Variants in PRIM1 observed in about 807,000 individuals in gnomAD.
PRIM1 encodes DNA primase subunit 1, also known as DNA primase small subunit.
Under a neutral mutation model 60.2 loss-of-function variants are expected in PRIM1, and 38 were observed. The observed-to-expected ratio is 0.63, with a 90% CI of 0.49 to 0.83. The LOEUF (loss-of-function observed/expected upper bound fraction) is 0.83. Among genes scored for constraint, PRIM1 ranks in the 40% least tolerant of loss-of-function variants. The probability of loss-of-function intolerance (pLI) is 0.00; values close to 1 mark genes in which losing one functional copy is unlikely to be tolerated. For synonymous variants in PRIM1, 158 were observed against 160.2 expected (o/e 0.99, Z 0.10); for missense variants, 388 against 506.2 (o/e 0.77, Z 2.24).
intron 2 of PRIM1, among the ~76,000 whole-genome samples, chr12:56,748,881 C>T (rs1289131480): frequency 2.6e-5 from 4 of 151,936 alleles, no homozygotes; most frequent in Admixed American, 2.0e-4. Context: ...CACTTGAAAC[C>T]GGGAGGCAGA....
In PRIM1 at chr12:56,734,109, G is replaced by T. The variant is rs761548970; in HGVS notation, c.1243+38C>A. The T allele has an allele frequency of 2.8e-6, 4 of 1,412,286 alleles. No individual in the cohort carries two copies. In the East Asian group the frequency reaches 9.2e-5, roughly 32 times the overall value. The allele number at this position is 1,412,286 out of a possible 1,614,324, so 87.5% of individuals were successfully genotyped here. Reference sequence around the variant, plus strand: ...AATTGCTCATTTCTACTAATAATAAGATCTAACTAGATAGAAGGGAAAGGC... The same window carrying T: ...AATTGCTCATTTCTACTAATAATAATATCTAACTAGATAGAAGGGAAAGGC... On this transcript the variant is annotated intron_variant, in intron 12 of 12. Coordinates refer to ENST00000338193, the MANE Select transcript of PRIM1 (RefSeq NM_000946.3).
At chr12:56,737,704 T>G (rs1429278680) in intron 11 of PRIM1, among the ~76,000 whole-genome samples, 2 of 151,414 alleles carry the variant, frequency 1.3e-5, no homozygotes, top group African/African-American at 2.4e-5. Flanking sequence ...ATTTAGAAAT[T>G]CCTTAGCTTC....
intron 4 of PRIM1, 64 bp downstream of exon 4, chr12:56,746,717 T>C: frequency 7.3e-7 from 1 of 1,369,190 alleles, no homozygotes; most frequent in Non-Finnish European, 1.0e-6. Context: ...GACTAATAGT[T>C]AATAGTAGTC....
intron 6 of PRIM1, chr12:56,743,463 T>A (rs565829288): frequency 6.1e-6 from 1 of 162,960 alleles, no homozygotes; most frequent in African/African-American, 2.4e-5. Context: ...ATTGCTTGTA[T>A]TAATATCTCA....
chr12:56,742,308 G>A (rs569347404), intron 7 of PRIM1, among the ~76,000 whole-genome samples: 1 of 152,008 alleles, frequency 6.6e-6, no homozygotes, highest in South Asian at 2.1e-4. Flanking sequence ...ATCCGGCCGG[G>A]CACAGTGGCT....
chr12:56,733,283 T>G lies in PRIM1; in HGVS notation c.1243+864A>C, dbSNP rs551976463. ...AGTGATTCTCCTGCCTCAGCCTCCC[T>G]AGTAGCTGGGATTACAGGCTCCCAC... On this transcript the variant is annotated intron_variant, in intron 12 of 12. Transcript: ENST00000338193. Among the ~76,000 whole-genome samples the G allele has an allele frequency of 2.6e-3, 388 of 150,146 alleles. 2 individuals carry two copies. The highest frequency in any genetic ancestry group is 9.2e-3 in the African/African-American group (377 of 40,858).
At chr12:56,744,447 C>T (rs867052512) in intron 5 of PRIM1, among the ~76,000 whole-genome samples, 14 of 151,440 alleles carry the variant, frequency 9.2e-5, no homozygotes, top group Admixed American at 2.6e-4. Flanking sequence ...GAGCCGAGAT[C>T]GCATCATTGC....
chr12:56,733,161 T>G (rs1953796369), intron 12 of PRIM1, among the ~76,000 whole-genome samples: 1 of 124,688 alleles, frequency 8.0e-6, no homozygotes, highest in South Asian at 2.4e-4. Context: ...GGCCTAGGGT[T>G]TTTTTTTTTT....
intron 11 of PRIM1, among the ~76,000 whole-genome samples, chr12:56,735,672 A>G (rs7311570): frequency 2.7e-5 from 4 of 147,070 alleles, no homozygotes; most frequent in African/African-American, 1.0e-4. Context: ...TTTTTTTGAG[A>G]TGGAGTCTTG....
chr12:56,735,025 C>G (rs1170646269), intron 11 of PRIM1, among the ~76,000 whole-genome samples: 1 of 151,544 alleles, frequency 6.6e-6, no homozygotes, highest in Non-Finnish European at 1.5e-5. Flanking sequence ...GTTGGCCAGG[C>G]TGGTCTCAAA....
intron 2 of PRIM1, among the ~76,000 whole-genome samples, chr12:56,749,008 A>G (rs185711141): frequency 6.6e-6 from 1 of 151,618 alleles, no homozygotes; most frequent in Non-Finnish European, 1.5e-5. Flanking sequence ...ATGAGGGGGA[A>G]GGGTAGCAGA....
chr12:56,748,462 C>T (rs1953923529), intron 2 of PRIM1, among the ~76,000 whole-genome samples: 1 of 151,708 alleles, frequency 6.6e-6, no homozygotes, highest in African/African-American at 2.4e-5. Flanking sequence ...CCCGTCTCTA[C>T]TAAAAATACA....
At chr12:56,738,058 A>G (rs1953846036) in intron 11 of PRIM1, among the ~76,000 whole-genome samples, 1 of 152,228 alleles carries the variant, frequency 6.6e-6, no homozygotes, top group Non-Finnish European at 1.5e-5. Context: ...ACAACTTGGT[A>G]AACAGTTTAG....
chr12:56,741,426 G>C lies in PRIM1; in HGVS notation c.982+9C>G, dbSNP rs765555611. 2.5e-6 allele frequency: 4 copies of C among 1,603,436 alleles called. No individual in the cohort carries two copies. The South Asian group carries it at 4.5e-5, about 18-fold the overall frequency. ...TCTTTTAGTTTTCCTTAGTTTCCTT[G>C]TGTAGTACCTGTTTTAGGATGAACA... On this transcript the variant is annotated intron_variant, in intron 9 of 12. Transcript: ENST00000338193.
Position 56,741,561 on chromosome 12 carries a change from C to T in PRIM1, c.856G>A (p.Asp286Asn). ...CACTCCAGCCAGGGTCCATATTTGT[C>T]ATTTTTGATGTTATTCTAAAAGCAG... Reference protein sequence around the residue: ...ASRYQNNIKNDKYGPWLEWEI... With the variant: ...ASRYQNNIKNNKYGPWLEWEI... Residue 286 changes from aspartate to asparagine, a missense_variant, in exon 9 of 13, where the codon GAC becomes AAC. This residue lies in a region of PRIM1 where 211 missense variants were observed against 277.9 expected (regional missense o/e 0.76). Transcript: ENST00000338193. 6.2e-7 allele frequency: 1 copy of T among 1,611,696 alleles called. No individual in the cohort carries two copies. Among genetic ancestry groups the T allele is most frequent in the African/African-American group, 1.3e-5 (1 of 74,880 alleles).
At position 56,752,267 on chromosome 12, in the gene PRIM1, T is replaced by G. The variant is rs1565908544; in HGVS notation, c.32A>C (p.Glu11Ala). ...CCTCCGGTAATAAAGTTTAAGCAGC[T>G]CGGGCAGCTCGGTGGGGTCAAACGT... METFDPTELP[E>A]LLKLYYRRLF... is the part of the protein sequence containing the mutation. The change falls in exon 1 of 13, where the codon GAG (glutamate) becomes GCG (alanine). Residue 11 changes from glutamate to alanine, a missense_variant. This residue lies in a region of PRIM1 where 156 missense variants were observed against 175.8 expected (regional missense o/e 0.89). Coordinates refer to ENST00000338193, the MANE Select transcript of PRIM1 (RefSeq NM_000946.3). 6.3e-7 allele frequency: 1 copy of G among 1,591,358 alleles called. No individual in the cohort carries two copies. Among genetic ancestry groups the G allele is most frequent in the Non-Finnish European group, 8.6e-7 (1 of 1,168,994 alleles).
At chr12:56,733,001 C>G (rs1476014107) in intron 12 of PRIM1, among the ~76,000 whole-genome samples, 5 of 151,242 alleles carry the variant, frequency 3.3e-5, no homozygotes, top group African/African-American at 1.2e-4. Context: ...ATTACAGGCG[C>G]ACAATACCAC....
At chr12:56,743,233 A>G in intron 6 of PRIM1, 137 bp from the exon 7 acceptor site, 1 of 1,024,890 alleles carries the variant, frequency 9.8e-7, no homozygotes, top group Non-Finnish European at 1.3e-6. Context: ...AAATGGGAAT[A>G]CTACCCTGTG....
chr12:56,750,911 A>T, intron 2 of PRIM1, 127 bp downstream of exon 2: 2 of 576,628 alleles, frequency 3.5e-6, no homozygotes, highest in Non-Finnish European at 5.3e-6. Context: ...TCACTTGCCA[A>T]ACAATTAAAA....
Sources: gnomAD v4.1 joint callset for allele counts (sites outside exome capture counted in the v4.1 genomes callset) on GRCh38, gnomAD v4.1.1 for gene constraint, gnomAD v4.1.1 regional missense constraint, MANE v1.5 for transcripts, NCBI Gene and HGNC (gene_info 2026-07-23, HGNC 2026-07-21) for gene names.